TMEM232: variants seen among roughly 807,000 people sequenced by gnomAD.
TMEM232 encodes transmembrane protein 232.
TMEM232 carries 80 observed loss-of-function variants against 78.8 expected under a neutral mutation model. The observed-to-expected ratio is 1.01, with a 90% CI of 0.85 to 1.22. The LOEUF is 1.22. Ranked by LOEUF, TMEM232 falls within the 50% of genes most tolerant of loss-of-function variation. The pLI, the probability that TMEM232 is intolerant of heterozygous loss-of-function variation, is 0.00. For synonymous variants in TMEM232, 297 were observed against 254.3 expected (o/e 1.17, Z -1.60); for missense variants, 881 against 742.2 (o/e 1.19, Z -2.17).
chr5:110,553,545 G>A (rs1479897252), intron 11 of TMEM232, among the ~76,000 whole-genome samples: 1 of 152,060 alleles, frequency 6.6e-6, no homozygotes, highest in Non-Finnish European at 1.5e-5. Flanking sequence ...TGGTGTTTAG[G>A]AATGCTAGTG....
intron 2 of TMEM232, among the ~76,000 whole-genome samples, chr5:110,651,402 CTT>C (rs1434807291): frequency 2.1e-5 from 3 of 141,046 alleles, no homozygotes; most frequent in African/African-American, 8.0e-5. Flanking sequence ...AAACAAAAGA[CTT>C]AGAAAAAGAA....
At chr5:110,562,579 A>G (rs1394177553) in intron 11 of TMEM232, among the ~76,000 whole-genome samples, 1 of 152,034 alleles carries the variant, frequency 6.6e-6, no homozygotes, top group Non-Finnish European at 1.5e-5. Context: ...ACTTTGATGT[A>G]GCTAGCCACA....
chr5:110,427,046 A>C (rs1454226396), intron 12 of TMEM232, among the ~76,000 whole-genome samples: 2 of 151,920 alleles, frequency 1.3e-5, no homozygotes, highest in Non-Finnish European at 2.9e-5. Context: ...TAGTTACCTC[A>C]GTTGAATTTT....
chr5:110,430,350 C>T (rs1036708927), intron 12 of TMEM232, among the ~76,000 whole-genome samples: 4 of 150,106 alleles, frequency 2.7e-5, no homozygotes, highest in Admixed American at 6.6e-5. Context: ...AATACTTAGA[C>T]GTTTCCTTTT....
downstream of TMEM232, chr5:110,418,320 C>T (rs1227784654): frequency 5.3e-5 from 8 of 151,882 alleles, no homozygotes; most frequent in African/African-American, 1.9e-4. Flanking sequence ...GAAATAAAAA[C>T]GGGTTCAGTA....
rs1206411697 is a variant in TMEM232, at chr5:110,459,264, CTA to C, written c.1704-34350_1704-34349del. 6.6e-5 allele frequency among the ~76,000 whole-genome samples: 10 copies of C among 152,226 alleles called. No individual in the cohort carries two copies. The East Asian group carries it at 1.9e-3, about 29-fold the overall frequency. On this transcript the variant is annotated intron_variant, in intron 12 of 13. Coordinates refer to ENST00000455884, the MANE Select transcript of TMEM232 (RefSeq NM_001039763.4). ...TAGGCAAGGTAAAACTATCTTTAGACTATGTGGACAAACTCTTATTTGAACTG... is the reference window on the plus strand; with the variant it reads ...TAGGCAAGGTAAAACTATCTTTAGACTGTGGACAAACTCTTATTTGAACTG...
chr5:110,640,597 T>C (rs190953703), intron 4 of TMEM232, among the ~76,000 whole-genome samples: 1 of 152,258 alleles, frequency 6.6e-6, no homozygotes, highest in Admixed American at 6.5e-5. Flanking sequence ...CTATTGTAAC[T>C]GGAAATCACT....
intron 5 of TMEM232, among the ~76,000 whole-genome samples, chr5:110,634,009 C>T (rs1416122755): frequency 6.6e-6 from 1 of 152,004 alleles, no homozygotes; most frequent in Non-Finnish European, 1.5e-5. Context: ...AAAACATACT[C>T]CACACAAATT....
intron 12 of TMEM232, among the ~76,000 whole-genome samples, chr5:110,520,134 AT>A (rs1769288513): frequency 6.6e-6 from 1 of 151,692 alleles, no homozygotes; most frequent in Admixed American, 6.6e-5. Flanking sequence ...TTAATAATTT[AT>A]TGTATATTTC....
At chr5:110,501,248 A>T (rs578225913) in intron 12 of TMEM232, among the ~76,000 whole-genome samples, 2 of 152,304 alleles carry the variant, frequency 1.3e-5, no homozygotes, top group Admixed American at 6.5e-5. Context: ...CTGAAGAAGC[A>T]CTTGGGCTAA....
At chr5:110,525,935 C>A (rs1274916992) in intron 12 of TMEM232, among the ~76,000 whole-genome samples, 1 of 139,946 alleles carries the variant, frequency 7.1e-6, no homozygotes, top group African/African-American at 2.7e-5. Context: ...CAATTAAAAT[C>A]AGGAAAATTG....
intron 12 of TMEM232, among the ~76,000 whole-genome samples, chr5:110,426,131 C>T (rs1580624878): frequency 6.6e-6 from 1 of 151,892 alleles, no homozygotes; most frequent in Non-Finnish European, 1.5e-5. Context: ...TCTCTTTCTC[C>T]TTCTTCTAGC....
chr5:110,558,581 A>T (rs1775383608), intron 11 of TMEM232, among the ~76,000 whole-genome samples: 1 of 152,104 alleles, frequency 6.6e-6, no homozygotes, highest in African/African-American at 2.4e-5. Context: ...AGGCCAGCAG[A>T]CAAGGGGGTG....
At chr5:110,518,560 C>G (rs1386527493) in intron 12 of TMEM232, among the ~76,000 whole-genome samples, 2 of 152,074 alleles carry the variant, frequency 1.3e-5, no homozygotes, top group Non-Finnish European at 2.9e-5. Flanking sequence ...CTAAAGCCAG[C>G]CTGTGTGATC....
intron 11 of TMEM232, among the ~76,000 whole-genome samples, chr5:110,556,998 C>T (rs1157220326): frequency 6.6e-6 from 1 of 152,144 alleles, no homozygotes; most frequent in Non-Finnish European, 1.5e-5. Context: ...CCCTCTCTTT[C>T]AGGGATGCCA....
chr5:110,707,844 C>A (rs59985000), intron 1 of TMEM232, among the ~76,000 whole-genome samples: 3,505 of 152,178 alleles, frequency 0.023, 125 homozygotes, highest in African/African-American at 0.079. Flanking sequence ...GGTTAGGCAC[C>A]GTGCAGAGTC....
At chr5:110,571,100 T>C (rs1409177042) in intron 10 of TMEM232, among the ~76,000 whole-genome samples, 4 of 152,054 alleles carry the variant, frequency 2.6e-5, no homozygotes, top group African/African-American at 9.7e-5. Context: ...TAGGAATCCT[T>C]CTCTGAATCT....
At chr5:110,522,884 G>A (rs982548486) in intron 12 of TMEM232, among the ~76,000 whole-genome samples, 3 of 152,190 alleles carry the variant, frequency 2.0e-5, no homozygotes, top group Non-Finnish European at 4.4e-5. Flanking sequence ...CTCCTGTGGT[G>A]TCTTTGTCTG....
intron 10 of TMEM232, among the ~76,000 whole-genome samples, chr5:110,570,561 T>C (rs1336690605): frequency 2.0e-5 from 3 of 151,992 alleles, no homozygotes; most frequent in Non-Finnish European, 4.4e-5. Context: ...GGAGAAAGTA[T>C]GAGTTTAGAA....
Sources: allele counts gnomAD v4.1 joint callset (sites outside exome capture counted in the v4.1 genomes callset), GRCh38; gene constraint gnomAD v4.1.1; transcripts MANE v1.5; gene names NCBI Gene and HGNC (gene_info 2026-07-23, HGNC 2026-07-21).